DLGAP1: variants seen among roughly 807,000 people sequenced by gnomAD.
The protein encoded by DLGAP1 is DLG associated protein 1.
In DLGAP1, 11 loss-of-function variants were observed where a neutral mutation model predicts 90.8. The observed-to-expected ratio is 0.12, with a 90% CI of 0.08 to 0.20. The LOEUF (loss-of-function observed/expected upper bound fraction) is 0.20, where lower values mean the gene tolerates loss of function less well. Ranked by LOEUF, DLGAP1 falls within the 10% of genes least tolerant of loss-of-function variation. The probability of loss-of-function intolerance (pLI) is 1.00; values close to 1 mark genes in which losing one functional copy is unlikely to be tolerated. For synonymous variants in DLGAP1, 558 were observed against 540.7 expected, an observed-to-expected ratio of 1.03 and a Z score of -0.44; for missense variants, 1,050 against 1,333.8, an observed-to-expected ratio of 0.79 and a Z score of 3.31.
At chr18:4,014,801 G>T (rs991735355) in intron 2 of DLGAP1, among the ~76,000 whole-genome samples, 2 of 152,138 alleles carry the variant, frequency 1.3e-5, no homozygotes, top group African/African-American at 4.8e-5. Flanking sequence ...TCATTTTCTG[G>T]CACCCAGTAG....
At chr18:4,388,702 G>A (rs950953918) in intron 1 of DLGAP1, among the ~76,000 whole-genome samples, 2 of 152,080 alleles carry the variant, frequency 1.3e-5, no homozygotes, top group African/African-American at 2.4e-5. Flanking sequence ...TCCCCCACCC[G>A]CTGGCTATTA....
intron 6 of DLGAP1, among the ~76,000 whole-genome samples, chr18:3,741,125 C>G (rs1598538638): frequency 7.8e-6 from 1 of 127,972 alleles, no homozygotes. Flanking sequence ...CCACCATCAC[C>G]ACCACCACCA....
At chr18:4,099,753 G>A (rs903673966) in intron 2 of DLGAP1, among the ~76,000 whole-genome samples, 1 of 151,170 alleles carries the variant, frequency 6.6e-6, no homozygotes, top group African/African-American at 2.4e-5. Flanking sequence ...ACTCAGCCTG[G>A]AGTGCAGTGG....
At chr18:4,223,269 A>G (rs1393945789) in intron 1 of DLGAP1, among the ~76,000 whole-genome samples, 2 of 152,296 alleles carry the variant, frequency 1.3e-5, no homozygotes, top group East Asian at 3.9e-4. Flanking sequence ...CTGAGTTTGA[A>G]ACATGTTTAT....
intron 3 of DLGAP1, among the ~76,000 whole-genome samples, chr18:3,979,934 G>A (rs1246977292): frequency 6.6e-6 from 1 of 152,114 alleles, no homozygotes; most frequent in African/African-American, 2.4e-5. Context: ...TCAGGAGTTC[G>A]AGACCAGCCT....
intron 1 of DLGAP1, among the ~76,000 whole-genome samples, chr18:4,356,589 CCTGAATCCGAGGATT>C (rs1166505434): frequency 6.6e-6 from 1 of 152,164 alleles, no homozygotes; most frequent in Non-Finnish European, 1.5e-5. Context: ...CAAAATACAT[CCTGAATCCGAGGATT>C]TCCCGCCACC....
intron 1 of DLGAP1, among the ~76,000 whole-genome samples, chr18:4,421,944 CCTCAAG>C (rs2083045898): frequency 6.6e-6 from 1 of 152,080 alleles, no homozygotes; most frequent in Non-Finnish European, 1.5e-5. Context: ...GAACTCCTGA[CCTCAAG>C]CAATCTGCCT....
intron 2 of DLGAP1, among the ~76,000 whole-genome samples, chr18:4,028,698 G>C (rs1266059574): frequency 6.6e-6 from 1 of 152,148 alleles, no homozygotes; most frequent in African/African-American, 2.4e-5. Flanking sequence ...TCACTGATCA[G>C]TTTCAGGAGA....
rs757657145 is a variant in DLGAP1 at position 4,156,173 on chromosome 18, G to A, written c.-266-4886C>T. 3.3e-5 allele frequency among the ~76,000 whole-genome samples: 5 copies of A among 152,178 alleles called. 1 individual carries two copies. The highest frequency in any genetic ancestry group is 1.9e-4 in the East Asian group (1 of 5,198). ...CAGGCTTTTTAGGGAAAGCTGATAC[G>A]TTCAGTCTGGCCATATTGATTGAAT... On this transcript the variant is annotated intron_variant, in intron 1 of 12. Coordinates refer to ENST00000315677, the MANE Select transcript of DLGAP1 (RefSeq NM_004746.4).
chr18:4,421,226 G>A (rs894846428), intron 1 of DLGAP1, among the ~76,000 whole-genome samples: 1 of 152,106 alleles, frequency 6.6e-6, no homozygotes, highest in Non-Finnish European at 1.5e-5. Flanking sequence ...TCTGGTGGCT[G>A]TCAGTATTCC....
intron 1 of DLGAP1, among the ~76,000 whole-genome samples, chr18:4,231,645 C>T (rs2078301088): frequency 6.6e-6 from 1 of 152,044 alleles, no homozygotes; most frequent in Non-Finnish European, 1.5e-5. Context: ...TCATTCCTAC[C>T]ATTTCTATTC....
At chr18:3,831,650 A>G (rs567533280) in intron 4 of DLGAP1, among the ~76,000 whole-genome samples, 2 of 152,366 alleles carry the variant, frequency 1.3e-5, no homozygotes, top group East Asian at 1.9e-4. Context: ...ATTGACATCC[A>G]GAATGTAAAT....
At chr18:4,306,423 A>T (rs2080260688) in intron 1 of DLGAP1, among the ~76,000 whole-genome samples, 1 of 110,544 alleles carries the variant, frequency 9.0e-6, no homozygotes, top group Non-Finnish European at 1.9e-5. Context: ...AAGAGAAAGT[A>T]AGAGTGTGTG....
intron 2 of DLGAP1, among the ~76,000 whole-genome samples, chr18:4,145,920 C>T (rs12606055): frequency 6.6e-6 from 1 of 151,978 alleles, no homozygotes; most frequent in East Asian, 1.9e-4. Flanking sequence ...TGAAAAAGGC[C>T]TGACTTGACA....
chr18:4,123,188 TG>T (rs1358776014), intron 2 of DLGAP1, among the ~76,000 whole-genome samples: 1 of 151,564 alleles, frequency 6.6e-6, no homozygotes, highest in African/African-American at 2.4e-5. Flanking sequence ...CCTATGTAGG[TG>T]GGTGGTGGGA....
chr18:3,875,321 C>T (rs77247856), intron 4 of DLGAP1, among the ~76,000 whole-genome samples: 2,356 of 152,308 alleles, frequency 0.015, 53 homozygotes, highest in African/African-American at 0.054. Context: ...CCCCCACTTA[C>T]TGTTTATGTG....
chr18:3,560,459 G>A (rs1167722536), intron 9 of DLGAP1, among the ~76,000 whole-genome samples: 4 of 147,472 alleles, frequency 2.7e-5, no homozygotes, highest in South Asian at 4.2e-4. Context: ...GTGTGGTGGC[G>A]TGGGCCTGTA....
At chr18:4,441,380 A>C (rs193243662) in intron 1 of DLGAP1, among the ~76,000 whole-genome samples, 2 of 152,334 alleles carry the variant, frequency 1.3e-5, no homozygotes, top group East Asian at 3.9e-4. Context: ...TGGGAAGAGA[A>C]AGGTGGGAAA....
Position 4,193,693 on chromosome 18 carries a change from T to C in DLGAP1, c.-266-42406A>G, listed in dbSNP as rs916554248. 5.3e-5 allele frequency among the ~76,000 whole-genome samples: 8 copies of C among 152,352 alleles called. No homozygotes were observed. The East Asian group carries it at 1.2e-3, about 22-fold the overall frequency. On this transcript the variant is annotated intron_variant, in intron 1 of 12. Transcript: ENST00000315677. ...GAAAAATATGACTTCTGTTAGTGTT[T>C]TATAAATATTGGCTAAAAATGAAAT...
Sources: gnomAD v4.1 joint callset for allele counts (sites outside exome capture counted in the v4.1 genomes callset) on GRCh38, gnomAD v4.1.1 for gene constraint, MANE v1.5 for transcripts, NCBI Gene and HGNC (gene_info 2026-07-23, HGNC 2026-07-21) for gene names.